Variants in CYP2D6 observed in about 807,000 individuals in gnomAD.
CYP2D6 encodes cytochrome P450 2D6.
A neutral mutation model predicts 43.5 loss-of-function variants in CYP2D6; 51 were observed. That is an observed-to-expected ratio of 1.17 (90% confidence interval 0.94 to 1.48). The LOEUF (loss-of-function observed/expected upper bound fraction) is 1.48. Ranked by LOEUF, CYP2D6 falls within the 40% of genes most tolerant of loss-of-function variation. The pLI is 0.00. For missense variants in CYP2D6, 698 were observed against 688.0 expected, an observed-to-expected ratio of 1.01 and a Z score of -0.16; for synonymous variants, 346 against 297.1, an observed-to-expected ratio of 1.16 and a Z score of -1.69.
rs750765858 is a variant in CYP2D6 at position 42,128,240 on chromosome 22, C to G, written c.777G>C (p.Arg259Ser). Residue 259 changes from arginine to serine, a missense_variant, in exon 5 of 9, where the codon AGG becomes AGC. Arg to Ser is a moderately radical substitution (Grantham distance 110). Coordinates refer to ENST00000645361, the MANE Select transcript of CYP2D6 (RefSeq NM_000106.6). ...TQLDELLTEHRMTWDPAQPPR... is the reference protein window; with the variant it reads ...TQLDELLTEHSMTWDPAQPPR... ...GGGGCTGGGCTGGGTCCCAGGTCAT[C>G]CTGTGCTCAGTTAGCAGCTCATCCA... 8 of 1,610,522 alleles carry G rather than the reference C, an allele frequency of 5.0e-6. 1 individual carries two copies. The highest frequency in any genetic ancestry group is 5.1e-6 in the Non-Finnish European group (6 of 1,177,990).
In CYP2D6 at chr22:42,129,715, T is replaced by C; in HGVS notation, c.352+23A>G. The C allele has an allele frequency of 1.9e-6, 3 of 1,609,104 alleles. 1 individual carries two copies. Among genetic ancestry groups the C allele is most frequent in the Non-Finnish European group, 2.5e-6 (3 of 1,177,874 alleles). The stretch of plus-strand genomic sequence containing the variant: ...CCCACCCGGGTCCCACGGAAATCTG[T>C]CTCTGTCCCCACCGCTGCTTGCCTT... On this transcript the variant is annotated intron_variant, in intron 2 of 8. Transcript: ENST00000645361.
intron 2 of CYP2D6, 132 bp downstream of exon 2, chr22:42,129,606 T>C: frequency 7.9e-7 from 1 of 1,265,530 alleles, no homozygotes; most frequent in Non-Finnish European, 1.1e-6. Context: ...GCAGGTGGTT[T>C]CTTGGCCCGC....
chr22:42,129,341 T>C (rs1454981004), intron 2 of CYP2D6, 156 bp from the exon 3 acceptor site: 1 of 1,086,290 alleles, frequency 9.2e-7, no homozygotes, highest in South Asian at 1.3e-5. Context: ...CTTGCTCCCT[T>C]GGCTGGGGCA....
rs749867663 is a variant in CYP2D6 at position 42,128,433 on chromosome 22, T to A, written c.667-83A>T. Reference sequence around the variant, plus strand: ...GTCTCAGGCCCCAGCCATCTCCAGGTAGACCCAGGGCCTGCCTGTCCTTAC... The same window carrying A: ...GTCTCAGGCCCCAGCCATCTCCAGGAAGACCCAGGGCCTGCCTGTCCTTAC... On this transcript the variant is annotated intron_variant, in intron 4 of 8. Coordinates refer to ENST00000645361, the MANE Select transcript of CYP2D6 (RefSeq NM_000106.6). 392 of 1,490,338 alleles carry A rather than the reference T, an allele frequency of 2.6e-4. 13 individuals are homozygous for A. The highest frequency in any genetic ancestry group is 1.2e-3 in the East Asian group (54 of 44,092). The allele number at this position is 1,490,338 out of a possible 1,614,324, so 92.3% of individuals were successfully genotyped here.
In CYP2D6 at chr22:42,129,156, A is replaced by G. The variant is rs376636053; in HGVS notation, c.382T>C (p.Trp128Arg). 1.1e-5 allele frequency: 17 copies of G among 1,607,906 alleles called. 1 individual carries two copies. Among genetic ancestry groups the G allele is most frequent in the Middle Eastern group, 1.7e-4 (1 of 6,056 alleles). ...GVFLARYGPA[W>R]REQRRFSVST... is the part of the protein sequence containing the mutation. ...ACGGAGAAGCGCCTCTGCTCGCGCC[A>G]CGCGGGCCCATAGCGCGCCAGGAAC... The change falls in exon 3 of 9, where the codon TGG becomes CGG. Residue 128 changes from tryptophan to arginine, a missense_variant. By Grantham distance (101) the Trp-to-Arg change is moderately radical. Around this residue, in one of 5 missense-constraint regions of CYP2D6, gnomAD observed 588 missense variants for 521.1 expected, o/e 1.13. Transcript: ENST00000645361.
In CYP2D6 at chr22:42,127,580, A is replaced by G. The variant is rs1450231864; in HGVS notation, c.1040T>C (p.Met347Thr). 1.9e-6 allele frequency: 3 copies of G among 1,612,098 alleles called. No individual in the cohort carries two copies. Among genetic ancestry groups the G allele is most frequent in the Non-Finnish European group, 2.5e-6 (3 of 1,178,754 alleles). ...DVIGQVRRPE[M>T]GDQAHMPYTT... ...GTAGGGCATGTGAGCCTGGTCACCC[A>G]TCTCTGGTCGCCGCACCTGCCCTAT... Residue 347 changes from methionine to threonine, a missense_variant, in exon 7 of 9, where the codon ATG becomes ACG. Coordinates refer to ENST00000645361, the MANE Select transcript of CYP2D6 (RefSeq NM_000106.6).
In CYP2D6 at chr22:42,129,910, C is replaced by G. The variant is rs201377835; in HGVS notation, c.181-1G>C. 1.2e-4 allele frequency: 182 copies of G among 1,556,938 alleles called. 9 individuals are homozygous for G. The highest frequency in any genetic ancestry group is 1.6e-4 in the Non-Finnish European group (180 of 1,151,714). On this transcript the variant is annotated splice_acceptor_variant, in intron 1 of 8. Transcript: ENST00000645361. LOFTEE classifies it high-confidence loss of function. Reference sequence around the variant, plus strand: ...ACACGTCCCCGAAGCGGCGCCGCAACTGCAGAGGGAGGGTCAGGGCCTCTT... The same window carrying G: ...ACACGTCCCCGAAGCGGCGCCGCAAGTGCAGAGGGAGGGTCAGGGCCTCTT...
At chr22:42,128,505 C>T (rs1339751394) in intron 4 of CYP2D6, among the ~76,000 whole-genome samples, 155 bp from the exon 5 acceptor site, 1 of 150,730 alleles carries the variant, frequency 6.6e-6, no homozygotes, top group Non-Finnish European at 1.5e-5. Context: ...TCCACCCTCT[C>T]TCCTTGCCCA....
chr22:42,129,265 C>G (rs1931601890), intron 2 of CYP2D6, 80 bp from the exon 3 acceptor site: 1 of 1,509,366 alleles, frequency 6.6e-7, no homozygotes, highest in African/African-American at 1.4e-5. Flanking sequence ...CCCTATGCTC[C>G]CCCTGGTCTC....
At chr22:42,128,983 G>A (rs749074730) in intron 3 of CYP2D6, 39 bp from the exon 4 acceptor site, 8 of 1,585,382 alleles carry the variant, frequency 5.0e-6, no homozygotes, top group South Asian at 2.3e-5. Flanking sequence ...CGCCTTCCCC[G>A]TCCCCCGCCT....
chr22:42,129,929 G>A lies in CYP2D6; in HGVS notation c.181-20C>T. ...CCGCAACTGCAGAGGGAGGGTCAGG[G>A]CCTCTTGTCAAGCCAGGATCACCCC... On this transcript the variant is annotated intron_variant, in intron 1 of 8. Coordinates refer to ENST00000645361, the MANE Select transcript of CYP2D6 (RefSeq NM_000106.6). 1.3e-6 allele frequency: 2 copies of A among 1,534,116 alleles called. No homozygotes were observed. Among genetic ancestry groups the A allele is most frequent in the African/African-American group, 1.4e-5 (1 of 70,134 alleles).
At position 42,128,746 on chromosome 22, in the gene CYP2D6, C is replaced by A. The variant is rs1346014165; in HGVS notation, c.666+38G>T. On this transcript the variant is annotated intron_variant, in intron 4 of 8. Coordinates refer to ENST00000645361, the MANE Select transcript of CYP2D6 (RefSeq NM_000106.6). ...GTCCAGCCCCGGCACCTCTCGGGAGCTCGCCCTGCAGAGACTCCTCGGTCT... is the reference window on the plus strand; with the variant it reads ...GTCCAGCCCCGGCACCTCTCGGGAGATCGCCCTGCAGAGACTCCTCGGTCT... The A allele has an allele frequency of 1.3e-6, 2 of 1,588,822 alleles. 1 individual carries two copies. Among genetic ancestry groups the A allele is most frequent in the African/African-American group, 2.7e-5 (2 of 73,264 alleles).
Position 42,130,670 on chromosome 22 carries a change from G to C in CYP2D6, c.122C>G (p.Pro41Arg), listed in dbSNP as rs373243894. The change falls in exon 1 of 9, where the codon CCC (proline) becomes CGC (arginine). Residue 41 changes from proline (P) to arginine (R), a missense_variant. Transcript: ENST00000645361. ...ARYPPGPLPL[P>R]GLGNLLHVDF... ...CACATGCAGCAGGTTGCCCAGCCCG[G>C]GCAGTGGCAGGGGGCCTGGTGGGTA... 1.2e-6 allele frequency: 2 copies of C among 1,608,788 alleles called. No individual in the cohort carries two copies. Among genetic ancestry groups the C allele is most frequent in the Non-Finnish European group, 1.7e-6 (2 of 1,177,222 alleles).
chr22:42,127,745 C>T (rs1931169791), intron 6 of CYP2D6, 97 bp downstream of exon 6: 2 of 1,576,522 alleles, frequency 1.3e-6, no homozygotes, highest in Non-Finnish European at 1.7e-6. Flanking sequence ...CCTGGTCAAG[C>T]CTGTGCTTGG....
rs765757568 is a variant in CYP2D6, at chr22:42,128,238, A to C, written c.779T>G (p.Met260Arg). The C allele has an allele frequency of 6.2e-7, 1 of 1,610,370 alleles. No individual in the cohort carries two copies. Among genetic ancestry groups the C allele is most frequent in the South Asian group, 1.1e-5 (1 of 90,838 alleles). ...GGGGGGCTGGGCTGGGTCCCAGGTC[A>C]TCCTGTGCTCAGTTAGCAGCTCATC... Reference protein sequence around the residue: ...QLDELLTEHRMTWDPAQPPRD... With the variant: ...QLDELLTEHRRTWDPAQPPRD... Residue 260 changes from methionine to arginine, a missense_variant, in exon 5 of 9, where the codon ATG becomes AGG. Physicochemically the swap from Met to Arg is moderately conservative, Grantham distance 91. Around this residue, in one of 5 missense-constraint regions of CYP2D6, gnomAD observed 588 missense variants for 521.1 expected, o/e 1.13. Coordinates refer to ENST00000645361, the MANE Select transcript of CYP2D6 (RefSeq NM_000106.6).
intron 2 of CYP2D6, chr22:42,129,518 C>G (rs1445768510): frequency 1.3e-6 from 1 of 745,084 alleles, no homozygotes; most frequent in Non-Finnish European, 2.3e-6. Flanking sequence ...ACCCATTGGG[C>G]TCCTGCCAGG....
rs1058170 is a variant in CYP2D6 at position 42,127,928 on chromosome 22, G to C, written c.899C>G (p.Ala300Gly). ...CACCATCCCGGCAGAGAACAGGTCA[G>C]CCACCACTATGCGCAGGTTCTCATC... ...FNDENLRIVV[A>G]DLFSAGMVTT... is the part of the protein sequence containing the mutation. Residue 300 changes from alanine (A) to glycine (G), a missense_variant, in exon 6 of 9, where the codon GCT becomes GGT. This residue lies in a region of CYP2D6 where 588 missense variants were observed against 521.1 expected (regional missense o/e 1.13). Coordinates refer to ENST00000645361, the MANE Select transcript of CYP2D6 (RefSeq NM_000106.6). 1.4e-5 allele frequency: 22 copies of C among 1,611,090 alleles called. No individual in the cohort carries two copies. The highest frequency in any genetic ancestry group is 4.5e-5 in the East Asian group (2 of 44,762).
chr22:42,128,394 G>A (rs771433846), intron 4 of CYP2D6, 44 bp from the exon 5 acceptor site: 27 of 1,595,386 alleles, frequency 1.7e-5, no homozygotes, highest in African/African-American at 9.5e-5. Flanking sequence ...TGTGCTCTGC[G>A]TTCACCTGGA....
chr22:42,130,265 T>A (rs995397404), intron 1 of CYP2D6: 2 of 515,622 alleles, frequency 3.9e-6, no homozygotes, highest in African/African-American at 2.5e-5. Context: ...CTCGATTTCG[T>A]GATTTAAACG....
Sources: allele counts gnomAD v4.1 joint callset (sites outside exome capture counted in the v4.1 genomes callset), GRCh38; gene constraint gnomAD v4.1.1; regional missense constraint gnomAD v4.1.1; transcripts MANE v1.5; gene names NCBI Gene and HGNC (gene_info 2026-07-23, HGNC 2026-07-21).